Variants in SLC35B3 observed in about 807,000 individuals in gnomAD.
SLC35B3 encodes the protein solute carrier family 35 member B3.
A neutral mutation model predicts 44.1 loss-of-function variants in SLC35B3; 35 were observed. The observed-to-expected ratio is 0.79, with a 90% CI of 0.61 to 1.05. The LOEUF (loss-of-function observed/expected upper bound fraction) is 1.05. SLC35B3 is among the 50% of genes least tolerant of loss of function. The pLI is 0.00. For missense variants in SLC35B3, 414 were observed against 476.4 expected, an observed-to-expected ratio of 0.87 and a Z score of 1.22; for synonymous variants, 146 against 167.3, an observed-to-expected ratio of 0.87 and a Z score of 0.98.
intron 4 of SLC35B3, among the ~76,000 whole-genome samples, chr6:8,427,525 T>C (rs1243912338): frequency 2.6e-5 from 4 of 152,234 alleles, no homozygotes; most frequent in Admixed American, 2.6e-4. Context: ...AAAACTTTTC[T>C]AATTTTGGAG....
chr6:8,421,383 T>C (rs148862259), intron 5 of SLC35B3, among the ~76,000 whole-genome samples: 2,385 of 152,310 alleles, frequency 0.016, 58 homozygotes, highest in African/African-American at 0.055. Context: ...GCCTAGTCAG[T>C]TGGGACAATA....
At position 8,435,126 on chromosome 6, in the gene SLC35B3, G is replaced by A. The variant is rs1187582699; in HGVS notation, c.-44+217C>T. The A allele has an allele frequency of 3.9e-6, 5 of 1,267,320 alleles. No individual in the cohort carries two copies. Among genetic ancestry groups the A allele is most frequent in the Non-Finnish European group, 5.1e-6 (5 of 977,964 alleles). The allele number at this position is 1,267,320 out of a possible 1,614,324, so 78.5% of individuals were successfully genotyped here. A position where few individuals can be genotyped will look rare whatever the true frequency, so the allele number is the denominator to read the frequency against. The stretch of plus-strand genomic sequence containing the variant: ...CTGAGGGAGTTCTCGCCAGCCCGAG[G>A]GCGAAAAACGGGCGAGGAGGAACAG... On this transcript the variant is annotated intron_variant, in intron 1 of 10. Coordinates refer to ENST00000644923, the MANE Select transcript of SLC35B3 (RefSeq NM_001370476.2). The surrounding 1 kb of genome is among the most constrained non-coding windows in gnomAD (Gnocchi z 5.5).
Position 8,420,685 on chromosome 6 carries a change from G to A in SLC35B3, c.682+36C>T. On this transcript the variant is annotated intron_variant, in intron 6 of 10. Coordinates refer to ENST00000644923, the MANE Select transcript of SLC35B3 (RefSeq NM_001370476.2). The surrounding 1 kb of genome is among the most constrained non-coding windows in gnomAD (Gnocchi z 4.4). ...CGAAATTCGTATTCTAAACTAAAAAGCCTATAAAAGCTAGGAATATAAATA... is the reference window on the plus strand; with the variant it reads ...CGAAATTCGTATTCTAAACTAAAAAACCTATAAAAGCTAGGAATATAAATA... 1.4e-6 allele frequency: 2 copies of A among 1,467,750 alleles called. No homozygotes were observed. The highest frequency in any genetic ancestry group is 1.9e-6 in the Non-Finnish European group (2 of 1,059,890). The allele number at this position is 1,467,750 out of a possible 1,614,324, so 90.9% of individuals were successfully genotyped here.
Position 8,412,910 on chromosome 6 carries a change from A to ACAGGCCACGGACTGGTAC in SLC35B3, c.*621_*638dup, listed in dbSNP as rs1762103861. The stretch of plus-strand genomic sequence containing the variant: ...CTCTTGTTGCGTGGTCTGGTTCCTA[A>ACAGGCCACGGACTGGTAC]CAGGCCACGGACTGGTACCAGTCCA... On this transcript the variant is annotated 3_prime_UTR_variant, in exon 11 of 11. Transcript: ENST00000644923. Among the ~76,000 whole-genome samples the ACAGGCCACGGACTGGTAC allele has an allele frequency of 1.3e-5, 2 of 152,072 alleles. No individual in the cohort carries two copies. Among genetic ancestry groups the ACAGGCCACGGACTGGTAC allele is most frequent in the Non-Finnish European group, 2.9e-5 (2 of 68,010 alleles).
intron 3 of SLC35B3, among the ~76,000 whole-genome samples, chr6:8,428,973 A>T (rs938889320): frequency 1.3e-5 from 2 of 152,144 alleles, no homozygotes; most frequent in Non-Finnish European, 1.5e-5. Flanking sequence ...ATGTTCACTT[A>T]CATTTCCCTT....
At chr6:8,423,216 ATTG>A (rs980806847) in intron 4 of SLC35B3, among the ~76,000 whole-genome samples, 2 of 152,196 alleles carry the variant, frequency 1.3e-5, no homozygotes, top group African/African-American at 2.4e-5. Context: ...TAACTCTTGA[ATTG>A]TTGTTCTGTT....
In SLC35B3 at chr6:8,420,876, A is replaced by T; in HGVS notation, c.575-48T>A. ...CACTTCATTATGCAAATACCCACCC[A>T]GCTTTATATTTGCTCTATGTGTTAA... On this transcript the variant is annotated intron_variant, in intron 5 of 10. Coordinates refer to ENST00000644923, the MANE Select transcript of SLC35B3 (RefSeq NM_001370476.2). This position sits in a 1 kb window ranked among gnomAD's most constrained non-coding sequence, Gnocchi z 4.4. 1 of 1,413,994 alleles carries T rather than the reference A, an allele frequency of 7.1e-7. No homozygotes were observed. The highest frequency in any genetic ancestry group is 1.8e-5 in the Admixed American group (1 of 54,394). 87.6% of individuals were successfully genotyped at this position (1,413,994 alleles called of 1,614,324 possible).
intron 8 of SLC35B3, 36 bp downstream of exon 7, chr6:8,417,366 A>G: frequency 7.7e-7 from 1 of 1,306,990 alleles, no homozygotes; most frequent in Non-Finnish European, 1.1e-6. Context: ...ATTATTTAAC[A>G]GAAGATTTTT....
intron 2 of SLC35B3, among the ~76,000 whole-genome samples, chr6:8,431,461 GGAATTAAAGGAGGGGTCAAGGATCT>G (rs1345769898): frequency 2.6e-5 from 4 of 152,052 alleles, no homozygotes; most frequent in African/African-American, 7.2e-5. Context: ...GTCATCCTTA[GGAATTAAAGGAGGGGTCAAGGATCT>G]GAATACCACT....
chr6:8,415,505 C>T (rs1273401883), intron 9 of SLC35B3, among the ~76,000 whole-genome samples: 1 of 152,188 alleles, frequency 6.6e-6, no homozygotes, highest in African/African-American at 2.4e-5. Flanking sequence ...TCCCTTCTGT[C>T]CCAGGCAGAG....
rs1554122963 is a variant in SLC35B3, at chr6:8,434,049, T to TATATATATATATATATA, written c.3+335_3+336insTATATATATATATATAT. On this transcript the variant is annotated intron_variant, in intron 2 of 10. Transcript: ENST00000644923. This position sits in a 1 kb window ranked among gnomAD's most constrained non-coding sequence, Gnocchi z 6.3. ...TGAAACTAAAATATATATATATATATTTTAAAAATCACAGGTGTGTATAAT... is the reference window on the plus strand; with the variant it reads ...TGAAACTAAAATATATATATATATATATATATATATATATATATTTAAAAATCACAGGTGTGTATAAT... Among the ~76,000 whole-genome samples the TATATATATATATATATA allele has an allele frequency of 3.7e-4, 55 of 150,242 alleles. 1 individual carries two copies. The East Asian group carries it at 0.01, about 27-fold the overall frequency.
intron 9 of SLC35B3, among the ~76,000 whole-genome samples, chr6:8,415,894 C>T (rs1325181601): frequency 6.6e-6 from 1 of 152,138 alleles, no homozygotes; most frequent in Non-Finnish European, 1.5e-5. Context: ...TTCATCTTCT[C>T]TTACTCCATC....
Position 8,435,261 on chromosome 6 carries a change from G to A in SLC35B3, c.-44+82C>T. ...TTCCTCGAACGCTCCTTCTGGATGA[G>A]GAAGATGGGCAGTGTCAAGGTTTTC... On this transcript the variant is annotated intron_variant, in intron 1 of 10. Transcript: ENST00000644923. The surrounding 1 kb of genome is among the most constrained non-coding windows in gnomAD (Gnocchi z 5.5). 7.8e-7 allele frequency: 1 copy of A among 1,289,352 alleles called. No homozygotes were observed. Among genetic ancestry groups the A allele is most frequent in the Non-Finnish European group, 1.0e-6 (1 of 988,866 alleles). The allele number at this position is 1,289,352 out of a possible 1,614,324, so 79.9% of individuals were successfully genotyped here.
At position 8,434,974 on chromosome 6, in the gene SLC35B3, G is replaced by T; in HGVS notation, c.-44+369C>A. On this transcript the variant is annotated intron_variant, in intron 1 of 10. Transcript: ENST00000644923. The surrounding 1 kb of genome is among the most constrained non-coding windows in gnomAD (Gnocchi z 6.3). ...TGCCCCTATTTAATAAACACGGAAC[G>T]AGGAAACAGTTAACTGTAAATACAG... 1.5e-6 allele frequency: 1 copy of T among 660,172 alleles called. No homozygotes were observed. Among genetic ancestry groups the T allele is most frequent in the Non-Finnish European group, 2.1e-6 (1 of 479,764 alleles). 40.9% of individuals were successfully genotyped at this position (660,172 alleles called of 1,614,324 possible).
chr6:8,430,890 C>T (rs1213123578), intron 2 of SLC35B3, among the ~76,000 whole-genome samples: 2 of 148,132 alleles, frequency 1.4e-5, no homozygotes, highest in South Asian at 4.4e-4. Context: ...AGAGCCAGAC[C>T]CTGTCTCTAG....
chr6:8,428,176 A>C, intron 3 of SLC35B3, 118 bp from the exon 3 acceptor site: 3 of 934,758 alleles, frequency 3.2e-6, no homozygotes, highest in Non-Finnish European at 4.4e-6. Flanking sequence ...ACAACAACAA[A>C]ATGTAAATTA....
Position 8,412,560 on chromosome 6 carries a change from G to C in SLC35B3, c.*989C>G, listed in dbSNP as rs776793011. ...ACTTACATGATGCAGAATGATGTCTGTTTTTACTACCTTGCCTATATTCTA... is the reference window on the plus strand; with the variant it reads ...ACTTACATGATGCAGAATGATGTCTCTTTTTACTACCTTGCCTATATTCTA... On this transcript the variant is annotated 3_prime_UTR_variant, in exon 11 of 11. Transcript: ENST00000644923. 1.3e-5 allele frequency among the ~76,000 whole-genome samples: 2 copies of C among 152,160 alleles called. No individual in the cohort carries two copies. Among genetic ancestry groups the C allele is most frequent in the Non-Finnish European group, 2.9e-5 (2 of 68,026 alleles).
intron 9 of SLC35B3, among the ~76,000 whole-genome samples, chr6:8,415,716 C>T (rs1762357089): frequency 6.6e-6 from 1 of 152,166 alleles, no homozygotes; most frequent in Non-Finnish European, 1.5e-5. Context: ...TGGAAACGTG[C>T]CAGAGTCAGA....
rs1164439534 is a variant in SLC35B3 at position 8,435,332 on chromosome 6, GGCAC to G, written c.-44+7_-44+10del. 1 of 1,289,308 alleles carries G rather than the reference GGCAC, an allele frequency of 7.8e-7. No homozygotes were observed. The highest frequency in any genetic ancestry group is 1.2e-5 in the South Asian group (1 of 81,022). 79.9% of individuals were successfully genotyped at this position (1,289,308 alleles called of 1,614,324 possible). A position where few individuals can be genotyped will look rare whatever the true frequency, so the allele number is the denominator to read the frequency against. On this transcript the variant is annotated splice_region_variant and intron_variant, in intron 1 of 10. Transcript: ENST00000644923. This position sits in a 1 kb window ranked among gnomAD's most constrained non-coding sequence, Gnocchi z 5.5. ...TCCCAAACACAGGAAAGGCCCCGAA[GGCAC>G]GCGTACCCCAAGGCCGGTATGTCAC...
Sources: allele counts gnomAD v4.1 joint callset (sites outside exome capture counted in the v4.1 genomes callset), GRCh38; gene constraint gnomAD v4.1.1; non-coding constraint Gnocchi (gnomAD v3.1); transcripts MANE v1.5; gene names NCBI Gene and HGNC (gene_info 2026-07-23, HGNC 2026-07-21).